The following DTWD2 variants were observed in gnomAD, a reference collection of about 807,000 sequenced individuals.
The protein encoded by DTWD2 is DTW motif tRNA-uridine aminocarboxypropyltransferase 2, also known as tRNA-uridine aminocarboxypropyltransferase 2.
In DTWD2, 39 loss-of-function variants were observed where a neutral mutation model predicts 31.8. The observed-to-expected ratio is 1.22, with a 90% CI of 0.95 to 1.60. DTWD2 has a LOEUF of 1.60. DTWD2 is among the 40% of genes most tolerant of loss of function. DTWD2 has a pLI of 0.00. For synonymous variants in DTWD2, 180 were observed against 142.8 expected (o/e 1.26, Z -1.86); for missense variants, 515 against 381.5 (o/e 1.35, Z -2.92).
chr5:118,900,623 GA>G (rs897751932), intron 4 of DTWD2, among the ~76,000 whole-genome samples: 1 of 152,090 alleles, frequency 6.6e-6, no homozygotes, highest in African/African-American at 2.4e-5. Flanking sequence ...AACCAGTGAT[GA>G]AAAAATGACT....
intron 3 of DTWD2, 136 bp downstream of exon 3, chr5:118,939,060 T>C: frequency 1.6e-6 from 1 of 619,964 alleles, no homozygotes; most frequent in Non-Finnish European, 2.5e-6. Flanking sequence ...TGGTCAGGGG[T>C]TAGCAGAACC....
At chr5:118,973,079 C>CTT (rs767993540) in intron 1 of DTWD2, among the ~76,000 whole-genome samples, 8 of 139,994 alleles carry the variant, frequency 5.7e-5, no homozygotes, top group African/African-American at 1.6e-4. Context: ...TTGCAACCCC[C>CTT]TTTTTTTTTT....
At chr5:118,983,033 C>T (rs564058647) in intron 1 of DTWD2, among the ~76,000 whole-genome samples, 1 of 152,256 alleles carries the variant, frequency 6.6e-6, no homozygotes, top group South Asian at 2.1e-4. Flanking sequence ...TCAACAGTTT[C>T]AGTTATTCTA....
intron 1 of DTWD2, among the ~76,000 whole-genome samples, chr5:118,964,301 G>C (rs1305293260): frequency 6.6e-6 from 1 of 152,056 alleles, no homozygotes; most frequent in Non-Finnish European, 1.5e-5. Context: ...GGATGAGATT[G>C]GTTCCAAATT....
At chr5:118,886,648 G>C (rs1322478581) in intron 4 of DTWD2, among the ~76,000 whole-genome samples, 1 of 152,124 alleles carries the variant, frequency 6.6e-6, no homozygotes, top group Non-Finnish European at 1.5e-5. Flanking sequence ...CTAATGGAGA[G>C]AGAATGCTGT....
intron 3 of DTWD2, among the ~76,000 whole-genome samples, chr5:118,933,658 A>G (rs1472346725): frequency 1.3e-5 from 2 of 152,194 alleles, no homozygotes; most frequent in Non-Finnish European, 2.9e-5. Flanking sequence ...TCCTCAGTTT[A>G]GTAAAGAACA....
chr5:118,906,430 A>C (rs757503182), intron 4 of DTWD2, among the ~76,000 whole-genome samples: 1 of 152,194 alleles, frequency 6.6e-6, no homozygotes, highest in East Asian at 1.9e-4. Flanking sequence ...TAACAGCCAA[A>C]AACAGAAAAC....
At chr5:118,958,066 T>C (rs189564479) in intron 1 of DTWD2, among the ~76,000 whole-genome samples, 5 of 152,278 alleles carry the variant, frequency 3.3e-5, no homozygotes, top group Admixed American at 2.0e-4. Context: ...AATAATTATA[T>C]CACTGGCCTA....
At chr5:118,880,434 T>C (rs1056745454) in intron 4 of DTWD2, among the ~76,000 whole-genome samples, 2 of 152,228 alleles carry the variant, frequency 1.3e-5, no homozygotes, top group Non-Finnish European at 2.9e-5. Context: ...AATGGGGTTT[T>C]GTTTTGTTTT....
At chr5:118,960,667 G>A (rs991727256) in intron 1 of DTWD2, among the ~76,000 whole-genome samples, 12 of 152,042 alleles carry the variant, frequency 7.9e-5, no homozygotes, top group African/African-American at 2.9e-4. Flanking sequence ...GGAAAGACAT[G>A]TAATTAACCT....
chr5:118,919,212 G>C (rs1028840178), intron 4 of DTWD2, among the ~76,000 whole-genome samples: 3 of 152,214 alleles, frequency 2.0e-5, no homozygotes, highest in African/African-American at 7.2e-5. Flanking sequence ...ATCATCTGCT[G>C]GTGCAAGAGT....
intron 1 of DTWD2, among the ~76,000 whole-genome samples, chr5:118,981,388 G>C (rs1395153280): frequency 6.6e-6 from 1 of 152,112 alleles, no homozygotes; most frequent in African/African-American, 2.4e-5. Context: ...AAAAGAATTA[G>C]ACTGCCAAAT....
At chr5:118,846,144 A>T (rs1311645429) in intron 5 of DTWD2, among the ~76,000 whole-genome samples, 1 of 152,216 alleles carries the variant, frequency 6.6e-6, no homozygotes, top group Non-Finnish European at 1.5e-5. Context: ...AAACATTCTT[A>T]GCTAATAGGA....
At chr5:118,924,129 A>G (rs757085855) in intron 4 of DTWD2, among the ~76,000 whole-genome samples, 5 of 152,210 alleles carry the variant, frequency 3.3e-5, no homozygotes, top group African/African-American at 4.8e-5. Context: ...ACCAACAGAC[A>G]GGGGCAGTGA....
chr5:118,934,343 T>C (rs1405982979), intron 3 of DTWD2, among the ~76,000 whole-genome samples: 1 of 138,850 alleles, frequency 7.2e-6, no homozygotes, highest in Non-Finnish European at 1.6e-5. Context: ...TACAGAATTA[T>C]TGCAAAAATA....
intron 1 of DTWD2, among the ~76,000 whole-genome samples, chr5:118,949,944 C>A (rs1286865268): frequency 6.6e-6 from 1 of 152,136 alleles, no homozygotes; most frequent in African/African-American, 2.4e-5. Flanking sequence ...GGCGCGATGG[C>A]TCACGCCTGT....
chr5:118,934,708 T>C (rs1753998982), intron 3 of DTWD2, among the ~76,000 whole-genome samples: 1 of 152,102 alleles, frequency 6.6e-6, no homozygotes, highest in African/African-American at 2.4e-5. Flanking sequence ...TGGTATTCAC[T>C]GGTAATGTAA....
intron 1 of DTWD2, among the ~76,000 whole-genome samples, chr5:118,954,182 G>A (rs2149590132): frequency 6.6e-6 from 1 of 152,292 alleles, no homozygotes; most frequent in African/African-American, 2.4e-5. Flanking sequence ...GAAACAGGAA[G>A]ACTGCTCATA....
intron 4 of DTWD2, among the ~76,000 whole-genome samples, chr5:118,912,016 AC>A (rs1753468795): frequency 6.6e-6 from 1 of 152,194 alleles, no homozygotes. Context: ...TTTTCTTCAC[AC>A]CAAGCCATCT....
Sources: gnomAD v4.1 joint callset for allele counts (sites outside exome capture counted in the v4.1 genomes callset) on GRCh38, gnomAD v4.1.1 for gene constraint, MANE v1.5 for transcripts, NCBI Gene and HGNC (gene_info 2026-07-23, HGNC 2026-07-21) for gene names.